The following VWA5A variants were observed in gnomAD, a reference collection of about 807,000 sequenced individuals.
The protein encoded by VWA5A is von Willebrand factor A domain containing 5A, also known as von Willebrand factor A domain-containing protein 5A.
In VWA5A, 77 loss-of-function variants were observed where a neutral mutation model predicts 84.6. The observed-to-expected ratio is 0.91, with a 90% CI of 0.76 to 1.10. VWA5A has a LOEUF of 1.10. VWA5A is among the 50% of genes least tolerant of loss of function. The probability of loss-of-function intolerance (pLI) is 0.00; values close to 1 mark genes in which losing one functional copy is unlikely to be tolerated. For synonymous variants in VWA5A, 334 were observed against 350.1 expected (o/e 0.95, Z 0.51); for missense variants, 973 against 963.0 (o/e 1.01, Z -0.14).
intron 7 of VWA5A, among the ~76,000 whole-genome samples, chr11:124,120,938 G>A (rs1283081850): frequency 6.6e-6 from 1 of 152,162 alleles, no homozygotes; most frequent in East Asian, 1.9e-4. Context: ...TAGTCCCCAT[G>A]ACCAGGTCTG....
intron 11 of VWA5A, among the ~76,000 whole-genome samples, chr11:124,127,362 C>T (rs1865034003): frequency 6.6e-6 from 1 of 152,158 alleles, no homozygotes; most frequent in Non-Finnish European, 1.5e-5. Flanking sequence ...TTTTTTATGG[C>T]TGCATAGTAT....
chr11:124,133,248 C>T (rs912971072), intron 11 of VWA5A, among the ~76,000 whole-genome samples: 10 of 152,156 alleles, frequency 6.6e-5, no homozygotes, highest in African/African-American at 1.9e-4. Flanking sequence ...TCACCTCTAC[C>T]TCTGGGATGT....
At position 124,123,347 on chromosome 11, in the gene VWA5A, C is replaced by T. The variant is rs1046819360; in HGVS notation, c.931-19C>T. ...GCGAGCCTCTCTCACTCTGTCTCTTCATACTCTCTTACCTTCAGGAAACAC... is the reference window on the plus strand; with the variant it reads ...GCGAGCCTCTCTCACTCTGTCTCTTTATACTCTCTTACCTTCAGGAAACAC... On this transcript the variant is annotated intron_variant, in intron 8 of 18. Coordinates refer to ENST00000456829, the MANE Select transcript of VWA5A (RefSeq NM_001130142.2). The T allele has an allele frequency of 6.2e-7, 1 of 1,609,024 alleles. No individual in the cohort carries two copies. The highest frequency in any genetic ancestry group is 1.3e-5 in the African/African-American group (1 of 74,630).
intron 2 of VWA5A, 80 bp downstream of exon 2, chr11:124,116,760 G>T (rs949505854): frequency 3.3e-5 from 5 of 152,134 alleles, no homozygotes; most frequent in Admixed American, 1.3e-4. Flanking sequence ...CTGATTTATT[G>T]GTGCTGTTTA....
intron 6 of VWA5A, 30 bp from the exon 7 acceptor site, chr11:124,118,945 A>G: frequency 6.2e-7 from 1 of 1,605,330 alleles, no homozygotes; most frequent in South Asian, 1.1e-5. Flanking sequence ...TATGATTCTA[A>G]TGTGGCTCCT....
intron 7 of VWA5A, among the ~76,000 whole-genome samples, 168 bp downstream of exon 7, chr11:124,119,257 G>A (rs1864894095): frequency 6.6e-6 from 1 of 152,218 alleles, no homozygotes; most frequent in African/African-American, 2.4e-5. Context: ...TTTAATGACT[G>A]TCATGTGATA....
At position 124,145,977 on chromosome 11, in the gene VWA5A, T is replaced by C; in HGVS notation, c.*32T>C. On this transcript the variant is annotated 3_prime_UTR_variant, in exon 19 of 19. Coordinates refer to ENST00000456829, the MANE Select transcript of VWA5A (RefSeq NM_001130142.2). Reference sequence around the variant, plus strand: ...CATCCAGAAAAAGAAGTGCCTTTAATTTGCTACTGTCATTTCCTCTAGTAT... The same window carrying C: ...CATCCAGAAAAAGAAGTGCCTTTAACTTGCTACTGTCATTTCCTCTAGTAT... 1 of 1,557,818 alleles carries C rather than the reference T, an allele frequency of 6.4e-7. No individual in the cohort carries two copies.
At chr11:124,123,849 A>G (rs1289532929) in intron 10 of VWA5A, 45 bp downstream of exon 10, 12 of 1,522,876 alleles carry the variant, frequency 7.9e-6, no homozygotes, top group Non-Finnish European at 8.8e-6. Flanking sequence ...GAAGTGTGAA[A>G]TCTCTAAGAA....
intron 11 of VWA5A, among the ~76,000 whole-genome samples, chr11:124,132,100 T>C (rs1018668508): frequency 1.3e-5 from 2 of 152,138 alleles, no homozygotes; most frequent in Middle Eastern, 3.2e-3. Flanking sequence ...TCTGTTTAGA[T>C]GAATGTGTGA....
intron 17 of VWA5A, 82 bp from the exon 18 acceptor site, chr11:124,145,155 G>C: frequency 1.3e-6 from 2 of 1,504,282 alleles, no homozygotes; most frequent in Non-Finnish European, 1.8e-6. Flanking sequence ...TTAGAAGGAT[G>C]CTAAGTGAGG....
intron 11 of VWA5A, among the ~76,000 whole-genome samples, chr11:124,127,782 T>G (rs565878449): frequency 6.6e-6 from 1 of 152,248 alleles, no homozygotes; most frequent in Non-Finnish European, 1.5e-5. Context: ...AGGAGCTTTT[T>G]TTCATGTTTG....
intron 12 of VWA5A, 86 bp from the exon 13 acceptor site, chr11:124,136,043 C>G: frequency 4.2e-5 from 58 of 1,386,492 alleles, no homozygotes; most frequent in Non-Finnish European, 5.7e-5. Flanking sequence ...TTATGTATCA[C>G]ATCTGATACA....
chr11:124,122,549 T>C (rs1864947836), intron 7 of VWA5A, among the ~76,000 whole-genome samples: 2 of 152,240 alleles, frequency 1.3e-5, no homozygotes, highest in African/African-American at 4.8e-5. Context: ...AATTAAAGAC[T>C]TAAGGCCCAT....
At chr11:124,121,830 C>T (rs1452266213) in intron 7 of VWA5A, among the ~76,000 whole-genome samples, 1 of 152,206 alleles carries the variant, frequency 6.6e-6, no homozygotes, top group Non-Finnish European at 1.5e-5. Flanking sequence ...CCATATCATA[C>T]TCATGCCACC....
At chr11:124,143,174 A>T (rs770823671) in intron 17 of VWA5A, among the ~76,000 whole-genome samples, 11 of 152,198 alleles carry the variant, frequency 7.2e-5, no homozygotes, top group South Asian at 6.2e-4. Context: ...TGAAGTCAGG[A>T]TAGGTAAAGT....
At chr11:124,131,592 A>G (rs1160948675) in intron 11 of VWA5A, among the ~76,000 whole-genome samples, 1 of 151,820 alleles carries the variant, frequency 6.6e-6, no homozygotes, top group Non-Finnish European at 1.5e-5. Flanking sequence ...TTTTTTAATA[A>G]TTTTATTTAC....
chr11:124,118,159 C>A (rs1046731992), intron 4 of VWA5A, 30 bp from the exon 5 acceptor site: 3 of 1,601,560 alleles, frequency 1.9e-6, no homozygotes, highest in Non-Finnish European at 2.6e-6. Flanking sequence ...TGTTCCCTTT[C>A]TTTCCCATCC....
chr11:124,116,108 C>G (rs187953998), intron 1 of VWA5A: 1 of 152,360 alleles, frequency 6.6e-6, no homozygotes, highest in East Asian at 1.9e-4. Flanking sequence ...CTCCCACCCT[C>G]CTAGCTGCTG....
chr11:124,143,652 A>G (rs1860768420), intron 17 of VWA5A, among the ~76,000 whole-genome samples: 1 of 152,158 alleles, frequency 6.6e-6, no homozygotes, highest in South Asian at 2.1e-4. Context: ...AAATAATTAT[A>G]CCTCTTTTAC....
Sources: allele counts gnomAD v4.1 joint callset (sites outside exome capture counted in the v4.1 genomes callset), GRCh38; gene constraint gnomAD v4.1.1; transcripts MANE v1.5; gene names NCBI Gene and HGNC (gene_info 2026-07-23, HGNC 2026-07-21).